EMSY: variants seen among roughly 807,000 people sequenced by gnomAD.
EMSY encodes EMSY transcriptional repressor, BRCA2 interacting, also known as BRCA2-interacting transcriptional repressor EMSY.
EMSY carries 26 observed loss-of-function variants against 134.6 expected under a neutral mutation model. The ratio of observed to expected loss-of-function variants is 0.19; its 90% CI spans 0.14 to 0.27. EMSY has a LOEUF of 0.27. Among genes scored for constraint, EMSY ranks in the 10% least tolerant of loss-of-function variants. The pLI is 1.00. For missense variants in EMSY, 1,305 were observed against 1,611.4 expected (o/e 0.81, Z 3.26); for synonymous variants, 579 against 577.8 (o/e 1.00, Z -0.03).
At chr11:76,550,313 A>C (rs1319103738) in exon 21 of EMSY, 8 of 451,856 alleles carry the variant, frequency 1.8e-5, no homozygotes, top group Non-Finnish European at 2.9e-5. Context: ...TTTTAAAACA[A>C]GATAAAACTC....
At chr11:76,454,071 ATGTT>A (rs1403421069) in intron 4 of EMSY, 1 of 152,204 alleles carries the variant, frequency 6.6e-6, no homozygotes, top group Non-Finnish European at 1.5e-5. Flanking sequence ...TAGCCTTTAA[ATGTT>A]TGTACAAGAT....
exon 19 of EMSY, chr11:76,544,436 C>A (rs2136755489): frequency 6.2e-7 from 1 of 1,614,184 alleles, no homozygotes. Context: ...GGAACAGACT[C>A]AGCTGCAAGT....
chr11:76,462,963 T>A (rs924505155), intron 6 of EMSY, among the ~76,000 whole-genome samples: 2 of 152,222 alleles, frequency 1.3e-5, no homozygotes, highest in East Asian at 3.9e-4. Flanking sequence ...ATCTTTTAGG[T>A]GATTGTTGCT....
intron 7 of EMSY, among the ~76,000 whole-genome samples, chr11:76,465,698 G>T (rs917825552): frequency 1.3e-5 from 2 of 148,274 alleles, no homozygotes; most frequent in Non-Finnish European, 3.0e-5. Context: ...CTTCTTTCAT[G>T]TTCTCTCTGT....
chr11:76,502,826 C>G (rs1483531968), intron 9 of EMSY, among the ~76,000 whole-genome samples: 1 of 152,102 alleles, frequency 6.6e-6, no homozygotes, highest in African/African-American at 2.4e-5. Context: ...GCTCACAGAT[C>G]AGAAGATTTA....
intron 8 of EMSY, among the ~76,000 whole-genome samples, chr11:76,495,350 A>G (rs1160189589): frequency 6.6e-6 from 1 of 152,230 alleles, no homozygotes; most frequent in Admixed American, 6.5e-5. Flanking sequence ...AGCAGTGCTT[A>G]AAAAGTTAAT....
intron 3 of EMSY, 54 bp from the exon 4 acceptor site, chr11:76,453,260 A>G: frequency 2.6e-6 from 4 of 1,533,708 alleles, no homozygotes; most frequent in East Asian, 2.3e-5. Context: ...TAATGAAAGT[A>G]TAGAAAGAGC....
exon 21 of EMSY, chr11:76,550,678 C>T (rs1408842505): frequency 6.6e-6 from 1 of 152,182 alleles, no homozygotes; most frequent in Non-Finnish European, 1.5e-5. Flanking sequence ...TTAAAGAATC[C>T]TTGTTGGATG....
At chr11:76,502,110 G>T (rs1281275518) in intron 9 of EMSY, among the ~76,000 whole-genome samples, 1 of 144,298 alleles carries the variant, frequency 6.9e-6, no homozygotes, top group African/African-American at 2.5e-5. Flanking sequence ...TTTCAAAAAT[G>T]AAGAAAGACT....
intron 14 of EMSY, among the ~76,000 whole-genome samples, chr11:76,530,155 G>GT (rs61227279): frequency 0.31 from 34,877 of 114,328 alleles, 5,688 homozygotes; most frequent in Non-Finnish European, 0.33. Flanking sequence ...AATCTTTAGG[G>GT]TTTTTTTTTT....
chr11:76,533,686 A>G (rs569557462), intron 14 of EMSY, among the ~76,000 whole-genome samples: 2 of 152,290 alleles, frequency 1.3e-5, no homozygotes, highest in Admixed American at 6.5e-5. Flanking sequence ...GTATACTGTT[A>G]AAGTGTATAT....
intron 9 of EMSY, among the ~76,000 whole-genome samples, chr11:76,499,741 A>G (rs1239626039): frequency 6.6e-6 from 1 of 151,506 alleles, no homozygotes; most frequent in Non-Finnish European, 1.5e-5. Context: ...AAGAATTTTT[A>G]GGGTTTCATG....
At chr11:76,518,167 CTT>C (rs35911259) in intron 11 of EMSY, among the ~76,000 whole-genome samples, 20 of 119,490 alleles carry the variant, frequency 1.7e-4, no homozygotes, top group Admixed American at 1.9e-4. Flanking sequence ...GAAGTACTTT[CTT>C]TTTTTTTTTT....
At chr11:76,537,234 T>C (rs1226994100) in intron 15 of EMSY, among the ~76,000 whole-genome samples, 5 of 152,216 alleles carry the variant, frequency 3.3e-5, no homozygotes, top group Admixed American at 6.5e-5. Flanking sequence ...CAGACTGTTA[T>C]ATCAGACATT....
chr11:76,486,064 C>T (rs911899748), intron 8 of EMSY, among the ~76,000 whole-genome samples: 16 of 152,140 alleles, frequency 1.1e-4, no homozygotes, highest in African/African-American at 2.2e-4. Flanking sequence ...TGGAATACTA[C>T]GCAGCCATAA....
intron 8 of EMSY, 32 bp downstream of exon 9, chr11:76,472,872 C>T: frequency 6.2e-7 from 1 of 1,603,878 alleles, no homozygotes; most frequent in Non-Finnish European, 8.5e-7. Context: ...AATTCTGTCA[C>T]AGTTGCTATA....
rs73495428 is a variant in EMSY, at chr11:76,536,754, T to G, written c.2359+695T>G. Among the ~76,000 whole-genome samples, 759 of 152,334 alleles carry G rather than the reference T, an allele frequency of 5.0e-3. 4 individuals are homozygous for G. Among genetic ancestry groups the G allele is most frequent in the African/African-American group, 0.017 (721 of 41,572 alleles). ...CCTTAGCAATTATGTCATCCAAACC[T>G]TTCATTTTATGGATAAGTAAACTGA... On this transcript the variant is annotated intron_variant, in intron 15 of 20. Coordinates refer to ENST00000334736, the Ensembl canonical transcript of EMSY.
rs545266271 is a variant in EMSY at position 76,528,669 on chromosome 11, A to G, written c.2194+203A>G. Reference sequence around the variant, plus strand: ...GGTAAAGGTTACCATTCTTTCCTGCATGGAATATGTTCATCAAATAATTAA... The same window carrying G: ...GGTAAAGGTTACCATTCTTTCCTGCGTGGAATATGTTCATCAAATAATTAA... On this transcript the variant is annotated intron_variant, in intron 14 of 20. Transcript: ENST00000334736. 4.1e-5 allele frequency among the ~76,000 whole-genome samples: 6 copies of G among 147,150 alleles called. 1 individual carries two copies. Among genetic ancestry groups the G allele is most frequent in the African/African-American group, 7.6e-5 (3 of 39,568 alleles).
chr11:76,476,469 TG>T (rs1948773174), intron 8 of EMSY, among the ~76,000 whole-genome samples: 1 of 152,214 alleles, frequency 6.6e-6, no homozygotes, highest in African/African-American at 2.4e-5. Flanking sequence ...ACAATTCATA[TG>T]GGAAAAGCAG....
Sources: allele counts gnomAD v4.1 joint callset (sites outside exome capture counted in the v4.1 genomes callset), GRCh38; gene constraint gnomAD v4.1.1; transcripts MANE v1.5; gene names NCBI Gene and HGNC (gene_info 2026-07-23, HGNC 2026-07-21).